MUC7: variants seen among roughly 807,000 people sequenced by gnomAD.
MUC7 encodes mucin 7, secreted.
In MUC7, 2 loss-of-function variants were observed where a neutral mutation model predicts 2.5. That is an observed-to-expected ratio of 0.81 (90% CI 0.33 to 2.55). The LOEUF (loss-of-function observed/expected upper bound fraction) is 2.55, where lower values mean the gene tolerates loss of function less well. Among genes scored for constraint, MUC7 ranks in the 30% most tolerant of loss-of-function variants. MUC7 has a pLI of 0.11. For synonymous variants in MUC7, 133 were observed against 173.4 expected (o/e 0.77, Z 1.83); for missense variants, 408 against 455.6 (o/e 0.90, Z 0.95).
intron 1 of MUC7, among the ~76,000 whole-genome samples, chr4:70,465,689 G>A (rs1379045558): frequency 6.6e-6 from 1 of 152,070 alleles, no homozygotes; most frequent in Admixed American, 6.6e-5. Context: ...ATGAAGACAA[G>A]ATTAGAGAAA....
chr4:70,457,636 G>A (rs1220755443), intron 1 of MUC7, among the ~76,000 whole-genome samples: 2 of 151,926 alleles, frequency 1.3e-5, no homozygotes, highest in Non-Finnish European at 2.9e-5. Flanking sequence ...AATAAAAACT[G>A]TTACATAATT....
intron 1 of MUC7, 132 bp from the exon 2 acceptor site, chr4:70,473,875 G>C: frequency 1.6e-6 from 1 of 619,966 alleles, no homozygotes; most frequent in African/African-American, 1.8e-5. Flanking sequence ...GAATGAAAAT[G>C]TATACATAAT....
chr4:70,462,219 AAGAAAG>A (rs1270589276), intron 1 of MUC7, among the ~76,000 whole-genome samples: 3 of 23,020 alleles, frequency 1.3e-4, no homozygotes, highest in South Asian at 2.5e-3. Context: ...CTTAAAAAAA[AAGAAAG>A]AGAGAGAGAG....
chr4:70,447,205 C>G (rs191703457), intron 1 of MUC7, among the ~76,000 whole-genome samples: 8 of 152,164 alleles, frequency 5.3e-5, no homozygotes, highest in Admixed American at 2.6e-4. Context: ...TTATTACTTT[C>G]AAAAAGTTAC....
At chr4:70,449,736 G>C (rs1734234236) in intron 1 of MUC7, among the ~76,000 whole-genome samples, 1 of 152,192 alleles carries the variant, frequency 6.6e-6, no homozygotes, top group South Asian at 2.1e-4. Context: ...GACAAGATCT[G>C]ATAGAATTCT....
chr4:70,440,317 A>AATGTCAT (rs1384278434), intron 1 of MUC7, among the ~76,000 whole-genome samples: 1 of 152,156 alleles, frequency 6.6e-6, no homozygotes, highest in Non-Finnish European at 1.5e-5. Flanking sequence ...GCATCTTTAA[A>AATGTCAT]ATGTCATATG....
At chr4:70,452,731 A>C (rs1734309859) in intron 1 of MUC7, among the ~76,000 whole-genome samples, 2 of 152,202 alleles carry the variant, frequency 1.3e-5, no homozygotes, top group South Asian at 4.1e-4. Flanking sequence ...ATACATCACA[A>C]TTACAGTGTT....
At chr4:70,465,938 A>C (rs912901554) in intron 1 of MUC7, among the ~76,000 whole-genome samples, 2 of 152,184 alleles carry the variant, frequency 1.3e-5, no homozygotes, top group Non-Finnish European at 2.9e-5. Flanking sequence ...CCCCAAGACA[A>C]ATAATCGTCA....
rs778987204 is a variant in MUC7, at chr4:70,481,674, A to T, written c.930A>T (p.Thr310=). 10 of 1,613,908 alleles carry T rather than the reference A, an allele frequency of 6.2e-6. No individual in the cohort carries two copies. Among genetic ancestry groups the T allele is most frequent in the African/African-American group, 2.7e-5 (2 of 74,878 alleles). ...PQETTAAPIT[T]PNSSPTTLAP... is the part of the protein sequence containing the mutation. ...AGACCACAGCTGCCCCAATTACCAC[A>T]CCTAATTCTTCCCCAACTACTCTTG... is the stretch of plus-strand genomic sequence containing the variant. The change falls in exon 3 of 3, where the codon ACA becomes ACT. Residue 310 remains threonine, a synonymous_variant. Coordinates refer to ENST00000304887, the MANE Select transcript of MUC7 (RefSeq NM_152291.3).
At chr4:70,454,894 T>C (rs1417319768) in intron 1 of MUC7, among the ~76,000 whole-genome samples, 1 of 152,228 alleles carries the variant, frequency 6.6e-6, no homozygotes, top group African/African-American at 2.4e-5. Context: ...TTTTATATTC[T>C]TTTCTTATGA....
At chr4:70,467,032 A>G (rs1168677623) in intron 1 of MUC7, among the ~76,000 whole-genome samples, 4 of 152,212 alleles carry the variant, frequency 2.6e-5, no homozygotes, top group Non-Finnish European at 5.9e-5. Flanking sequence ...CAGCAAATGC[A>G]AAAGAATGGA....
chr4:70,459,273 C>A (rs1734490008), intron 1 of MUC7, among the ~76,000 whole-genome samples: 1 of 152,124 alleles, frequency 6.6e-6, no homozygotes, highest in South Asian at 2.1e-4. Flanking sequence ...AGTTCATGTC[C>A]TTTGTAGGGA....
intron 1 of MUC7, among the ~76,000 whole-genome samples, chr4:70,473,424 A>G (rs1734897188): frequency 1.3e-5 from 2 of 151,038 alleles, no homozygotes; most frequent in Non-Finnish European, 2.9e-5. Context: ...AGCCTGGACA[A>G]CAGAGCGAGA....
At chr4:70,431,784 C>T (rs1276032824) in intron 1 of MUC7, among the ~76,000 whole-genome samples, 1 of 152,034 alleles carries the variant, frequency 6.6e-6, no homozygotes, top group African/African-American at 2.4e-5. Flanking sequence ...TTCTAGGGTA[C>T]ATGTGCACAA....
At chr4:70,460,902 C>T (rs190589621) in intron 1 of MUC7, among the ~76,000 whole-genome samples, 1 of 152,316 alleles carries the variant, frequency 6.6e-6, no homozygotes, top group Admixed American at 6.5e-5. Context: ...GTGAGGGACT[C>T]AGTGCAAGTT....
At chr4:70,433,229 T>C (rs1326055625) in intron 1 of MUC7, among the ~76,000 whole-genome samples, 1 of 152,158 alleles carries the variant, frequency 6.6e-6, no homozygotes, top group East Asian at 1.9e-4. Flanking sequence ...TTTGGTTCCA[T>C]ATGAAATTTA....
Position 70,482,061 on chromosome 4 carries a change from C to A in MUC7, c.*183C>A. 1 of 750,218 alleles carries A rather than the reference C, an allele frequency of 1.3e-6. No homozygotes were observed. Among genetic ancestry groups the A allele is most frequent in the Non-Finnish European group, 2.1e-6 (1 of 480,866 alleles). The allele number at this position is 750,218 out of a possible 1,614,324, so 46.5% of individuals were successfully genotyped here. A position where few individuals can be genotyped will look rare whatever the true frequency, so the allele number is the denominator to read the frequency against. On this transcript the variant is annotated 3_prime_UTR_variant, in exon 3 of 3. Coordinates refer to ENST00000304887, the MANE Select transcript of MUC7 (RefSeq NM_152291.3). ...GACCTATTAACAAGACAAAATGCCT[C>A]TATCCCACAAGCCAGATGCAGGTCT...
chr4:70,455,839 C>T (rs1390339011), intron 1 of MUC7, among the ~76,000 whole-genome samples: 1 of 152,134 alleles, frequency 6.6e-6, no homozygotes, highest in Non-Finnish European at 1.5e-5. Context: ...CCAGTCTAAG[C>T]CCATGTTTTC....
chr4:70,460,501 G>C (rs1734529160), intron 1 of MUC7, among the ~76,000 whole-genome samples: 1 of 151,682 alleles, frequency 6.6e-6, no homozygotes, highest in Non-Finnish European at 1.5e-5. Flanking sequence ...GTGGGGGATG[G>C]AATCTCACTC....
Sources: allele counts gnomAD v4.1 joint callset (sites outside exome capture counted in the v4.1 genomes callset), GRCh38; gene constraint gnomAD v4.1.1; transcripts MANE v1.5; gene names NCBI Gene and HGNC (gene_info 2026-07-23, HGNC 2026-07-21).